Variants in SETDB1 observed in about 807,000 individuals in gnomAD.
SETDB1 encodes SET domain bifurcated histone lysine methyltransferase 1, also known as histone-lysine N-methyltransferase SETDB1.
In SETDB1, 31 loss-of-function variants were observed where a neutral mutation model predicts 137.4. That is an observed-to-expected ratio of 0.23 (90% confidence interval 0.17 to 0.30). SETDB1 has a LOEUF of 0.30. SETDB1 is among the 10% of genes least tolerant of loss of function. The pLI is 1.00. For missense variants in SETDB1, 1,113 were observed against 1,631.5 expected, an observed-to-expected ratio of 0.68 and a Z score of 5.47; for synonymous variants, 548 against 579.9, an observed-to-expected ratio of 0.95 and a Z score of 0.79.
intron 14 of SETDB1, among the ~76,000 whole-genome samples, chr1:150,951,776 A>G (rs1293582257): frequency 6.6e-6 from 1 of 152,228 alleles, no homozygotes; most frequent in Admixed American, 6.5e-5. Context: ...TGTGATTTAC[A>G]CTTGTAAGTG....
Position 150,964,483 on chromosome 1 carries a change from A to G in SETDB1, c.*119A>G. On this transcript the variant is annotated 3_prime_UTR_variant, in exon 22 of 22. Coordinates refer to ENST00000692827, the MANE Select transcript of SETDB1 (RefSeq NM_001366418.1). ...AGCTACTCCCCCCAGCTCCTAGTTG[A>G]TAGAAATGGGGGTTCTGGACCAGAT... 1.3e-6 allele frequency: 1 copy of G among 761,338 alleles called. No individual in the cohort carries two copies. Among genetic ancestry groups the G allele is most frequent in the Admixed American group, 2.0e-5 (1 of 50,072 alleles). The allele number at this position is 761,338 out of a possible 1,614,324, so 47.2% of individuals were successfully genotyped here. A position where few individuals can be genotyped will look rare whatever the true frequency, so the allele number is the denominator to read the frequency against.
At position 150,964,565 on chromosome 1, in the gene SETDB1, T is replaced by TA; in HGVS notation, c.*204dup. ...ATCCCTTCTCCACCTCCAAAGGCCC[T>TA]AAAGGGTGGGGAGAGATCACCACTC... On this transcript the variant is annotated 3_prime_UTR_variant, in exon 22 of 22. Coordinates refer to ENST00000692827, the MANE Select transcript of SETDB1 (RefSeq NM_001366418.1). 1 of 700,924 alleles carries TA rather than the reference T, an allele frequency of 1.4e-6. No individual in the cohort carries two copies. Among genetic ancestry groups the TA allele is most frequent in the South Asian group, 1.5e-5 (1 of 67,284 alleles). The allele number at this position is 700,924 out of a possible 1,614,324, so 43.4% of individuals were successfully genotyped here. A position where few individuals can be genotyped will look rare whatever the true frequency, so the allele number is the denominator to read the frequency against.
At chr1:150,938,067 A>C (rs1669999470) in intron 3 of SETDB1, among the ~76,000 whole-genome samples, 1 of 152,108 alleles carries the variant, frequency 6.6e-6, no homozygotes, top group Non-Finnish European at 1.5e-5. Context: ...CTAAAAATAC[A>C]AAATTTAGCT....
intron 2 of SETDB1, among the ~76,000 whole-genome samples, chr1:150,928,804 C>G (rs587667612): frequency 6.6e-6 from 1 of 151,132 alleles, no homozygotes; most frequent in Admixed American, 6.6e-5. Flanking sequence ...TCCAGGTGTT[C>G]TCATTGTTCA....
intron 8 of SETDB1, 86 bp downstream of exon 8, chr1:150,944,079 GTTT>G (rs918342343): frequency 4.2e-6 from 4 of 954,646 alleles, no homozygotes; most frequent in Non-Finnish European, 6.8e-6. Context: ...AAGCCCTAGT[GTTT>G]TTGGTATTTC....
chr1:150,956,585 G>A (rs957134107), intron 14 of SETDB1, among the ~76,000 whole-genome samples: 2 of 152,136 alleles, frequency 1.3e-5, no homozygotes, highest in African/African-American at 2.4e-5. Context: ...GGTTTTAAGG[G>A]ACCTAACAAA....
chr1:150,933,368 C>CTTTTTTGTTTTTTTTTTTTT (rs1669826752), intron 3 of SETDB1, among the ~76,000 whole-genome samples: 1 of 118,888 alleles, frequency 8.4e-6, no homozygotes, highest in Non-Finnish European at 1.7e-5. Context: ...CCTATTTTGT[C>CTTTTTTGTTTTTTTTTTTTT]TTTTTTTTTT....
intron 3 of SETDB1, among the ~76,000 whole-genome samples, chr1:150,936,224 C>T (rs1001182158): frequency 2.6e-5 from 4 of 152,098 alleles, no homozygotes; most frequent in Non-Finnish European, 1.5e-5. Flanking sequence ...CTCCTGACCT[C>T]GTAATCTGCC....
Position 150,927,697 on chromosome 1 carries a change from C to G in SETDB1, c.-11-7C>G. The G allele has an allele frequency of 6.2e-7, 1 of 1,611,348 alleles. No homozygotes were observed. Among genetic ancestry groups the G allele is most frequent in the Non-Finnish European group, 8.5e-7 (1 of 1,178,212 alleles). On this transcript the variant is annotated splice_polypyrimidine_tract_variant and splice_region_variant and intron_variant, in intron 1 of 21. Transcript: ENST00000692827. Reference sequence around the variant, plus strand: ...CTCCAATTTAATTTGTTTTCTGTTCCATGCAGAGGACAAAAGCATGTCTTC... The same window carrying G: ...CTCCAATTTAATTTGTTTTCTGTTCGATGCAGAGGACAAAAGCATGTCTTC...
At chr1:150,942,515 A>C in intron 5 of SETDB1, 48 bp from the exon 6 acceptor site, 1 of 1,559,284 alleles carries the variant, frequency 6.4e-7, no homozygotes, top group African/African-American at 1.4e-5. Context: ...CCCGTTCTCT[A>C]CCGAATCTAT....
At chr1:150,940,936 T>G (rs139443177) in intron 4 of SETDB1, among the ~76,000 whole-genome samples, 1 of 149,864 alleles carries the variant, frequency 6.7e-6, no homozygotes, top group East Asian at 2.0e-4. Context: ...AGGCAGAGGT[T>G]GCGGTGAACC....
rs1558027909 is a variant in SETDB1, at chr1:150,962,223, C to T, written c.3161+65C>T. On this transcript the variant is annotated intron_variant, in intron 17 of 21. Transcript: ENST00000692827. ...TTGCTTTGTCACCCAGGCTGGAGTGCAGTGGCGTAATCTCAGCTCATTGCA... is the reference window on the plus strand; with the variant it reads ...TTGCTTTGTCACCCAGGCTGGAGTGTAGTGGCGTAATCTCAGCTCATTGCA... The T allele has an allele frequency of 2.8e-6, 4 of 1,448,036 alleles. No individual in the cohort carries two copies. In the East Asian group the frequency reaches 9.1e-5, roughly 33 times the overall value. The allele number at this position is 1,448,036 out of a possible 1,614,324, so 89.7% of individuals were successfully genotyped here.
Position 150,961,048 on chromosome 1 carries a change from G to A in SETDB1, c.2989G>A (p.Ala997Thr), listed in dbSNP as rs777882490. 7.4e-6 allele frequency: 12 copies of A among 1,613,978 alleles called. No individual in the cohort carries two copies. Among genetic ancestry groups the A allele is most frequent in the East Asian group, 2.2e-5 (1 of 44,886 alleles). ...SCNSVSEGGF[A>T]DSDSHSSFKT... ...CAATAGTGTCAGTGAAGGTGGTTTT[G>A]CTGACTCTGATAGCCATTCATCCTT... Residue 997 changes from alanine (A) to threonine (T), a missense_variant, in exon 16 of 22, where the codon GCT becomes ACT. Around this residue, in one of 11 missense-constraint regions of SETDB1, gnomAD observed 373 missense variants for 412.7 expected, o/e 0.90. Transcript: ENST00000692827.
chr1:150,955,324 A>G (rs936552347), intron 14 of SETDB1, among the ~76,000 whole-genome samples: 5 of 152,218 alleles, frequency 3.3e-5, no homozygotes, highest in Non-Finnish European at 5.9e-5. Flanking sequence ...ACTCTATAAT[A>G]TAGTCCCTCT....
rs997316060 is a variant in SETDB1, at chr1:150,964,684, T to C, written c.*320T>C. ...CTTAGAATGGAGCCTGTGTATCTAC[T>C]ATCTCCAGTTTGTATTATTTCTTGA... is the stretch of plus-strand genomic sequence containing the variant. On this transcript the variant is annotated 3_prime_UTR_variant, in exon 22 of 22. Transcript: ENST00000692827. 17 of 595,156 alleles carry C rather than the reference T, an allele frequency of 2.9e-5. No individual in the cohort carries two copies. Among genetic ancestry groups the C allele is most frequent in the Non-Finnish European group, 4.8e-5 (16 of 334,370 alleles). 36.9% of individuals were successfully genotyped at this position (595,156 alleles called of 1,614,324 possible).
In SETDB1 at chr1:150,950,680, G is replaced by A. The variant is rs758895897; in HGVS notation, c.1806G>A (p.Leu602=). The change falls in exon 13 of 22, where the codon CTG becomes CTA. Residue 602 remains leucine (L), a synonymous_variant. Transcript: ENST00000692827. The part of the protein sequence containing the change: ...NEQYRGKNPL[L]VPLLYDFRRM... ...AGTACCGGGGCAAGAACCCTCTGCT[G>A]GTCCCGTTACTATATGACTTCCGGC... 1 of 1,614,166 alleles carries A rather than the reference G, an allele frequency of 6.2e-7. No homozygotes were observed. The highest frequency in any genetic ancestry group is 8.5e-7 in the Non-Finnish European group (1 of 1,180,042).
In SETDB1 at chr1:150,961,842, A is replaced by G. The variant is rs985286117; in HGVS notation, c.3133-288A>G. 6 of 443,730 alleles carry G rather than the reference A, an allele frequency of 1.4e-5. No homozygotes were observed. In the Admixed American group the frequency reaches 2.2e-4, roughly 16 times the overall value. 27.5% of individuals were successfully genotyped at this position (443,730 alleles called of 1,614,324 possible). The stretch of plus-strand genomic sequence containing the variant: ...ATTGATTTTAAGTATCTCTTTGATG[A>G]TTATGCTGCTTTCCACATTACAGAT... On this transcript the variant is annotated intron_variant, in intron 16 of 21. Transcript: ENST00000692827.
intron 13 of SETDB1, 67 bp from the exon 14 acceptor site, chr1:150,951,298 T>A (rs2124952): frequency 0.37 from 455,429 of 1,219,054 alleles, 88,224 homozygotes; most frequent in Admixed American, 0.54. Flanking sequence ...CTTGGGTACA[T>A]GTGTATTGTG....
intron 3 of SETDB1, among the ~76,000 whole-genome samples, chr1:150,933,586 A>G (rs979018637): frequency 1.4e-5 from 2 of 147,298 alleles, no homozygotes; most frequent in African/African-American, 4.9e-5. Flanking sequence ...TGTGTTGGCC[A>G]GTCTTGTCTT....
Sources: gnomAD v4.1 joint callset for allele counts (sites outside exome capture counted in the v4.1 genomes callset) on GRCh38, gnomAD v4.1.1 for gene constraint, gnomAD v4.1.1 regional missense constraint, MANE v1.5 for transcripts, NCBI Gene and HGNC (gene_info 2026-07-23, HGNC 2026-07-21) for gene names.